Variants in CLEC17A observed in about 807,000 individuals in gnomAD.
CLEC17A encodes the protein C-type lectin domain containing 17A.
CLEC17A carries 37 observed loss-of-function variants against 61.3 expected under a neutral mutation model. That is an observed-to-expected ratio of 0.60 (90% CI 0.46 to 0.79). The LOEUF (loss-of-function observed/expected upper bound fraction) is 0.79. Ranked by LOEUF, CLEC17A falls within the 30% of genes least tolerant of loss-of-function variation. The pLI, the probability that CLEC17A is intolerant of heterozygous loss-of-function variation, is 0.00. For missense variants in CLEC17A, 418 were observed against 464.7 expected (o/e 0.90, Z 0.92); for synonymous variants, 168 against 164.9 (o/e 1.02, Z -0.14).
Position 14,607,038 on chromosome 19 carries a change from G to A in CLEC17A, c.940G>A (p.Gly314Arg). Reference protein sequence around the residue: ...AHGSPRVYWLGLNDRAQEGDW... With the variant: ...AHGSPRVYWLRLNDRAQEGDW... ...TGGCTCTCCACGGGTGTACTGGCTGGGGCTGAATGACAGGGCCCAGGAAGG... is the reference window on the plus strand; with the variant it reads ...TGGCTCTCCACGGGTGTACTGGCTGAGGCTGAATGACAGGGCCCAGGAAGG... Residue 314 changes from glycine to arginine, a missense_variant, in exon 13 of 14, where the codon GGG (glycine) becomes AGG (arginine). Physicochemically the swap from Gly to Arg is moderately radical, Grantham distance 125. Coordinates refer to ENST00000417570, the MANE Select transcript of CLEC17A (RefSeq NM_001204118.2). 1.5e-6 allele frequency: 2 copies of A among 1,349,556 alleles called. No homozygotes were observed. Among genetic ancestry groups the A allele is most frequent in the Non-Finnish European group, 1.9e-6 (2 of 1,044,216 alleles). The allele number at this position is 1,349,556 out of a possible 1,614,324, so 83.6% of individuals were successfully genotyped here.
At chr19:14,606,945 GA>G in intron 12 of CLEC17A, 47 bp from the exon 13 acceptor site, 2 of 1,043,832 alleles carry the variant, frequency 1.9e-6, no homozygotes, top group African/African-American at 1.6e-5. Context: ...TCCTCACCCT[GA>G]GGGTCATGTA....
At chr19:14,590,890 G>A (rs1198314843) in intron 3 of CLEC17A, among the ~76,000 whole-genome samples, 2 of 150,890 alleles carry the variant, frequency 1.3e-5, no homozygotes, top group African/African-American at 4.9e-5. Context: ...CAGAGATAGG[G>A]TCTTGCTATG....
In CLEC17A at chr19:14,610,556, G is replaced by A. The variant is rs1049185883; in HGVS notation, c.*360G>A. ...TGAACCTGGGATGAAATATCCTGGC[G>A]CCTGTGAACCACAAAGAGCTGGGAC... On this transcript the variant is annotated 3_prime_UTR_variant, in exon 14 of 14. Coordinates refer to ENST00000417570, the MANE Select transcript of CLEC17A (RefSeq NM_001204118.2). 2.9e-5 allele frequency: 6 copies of A among 204,298 alleles called. No homozygotes were observed. The highest frequency in any genetic ancestry group is 1.9e-3 in the Middle Eastern group (1 of 534). 12.7% of individuals were successfully genotyped at this position (204,298 alleles called of 1,614,324 possible). A position where few individuals can be genotyped will look rare whatever the true frequency, so the allele number is the denominator to read the frequency against.
At position 14,587,677 on chromosome 19, in the gene CLEC17A, T is replaced by C. The variant is rs774223439; in HGVS notation, c.185T>C (p.Leu62Pro). The part of the protein sequence containing the change: ...YENSTPPYKD[L>P]PPKPGTMEEE... ...AACTCAACACCTCCCTACAAGGACC[T>C]TCCTCCCAAGCCAGGTAAGAGGACT... The change falls in exon 3 of 14, where the codon CTT becomes CCT. Residue 62 changes from leucine to proline, a missense_variant. Physicochemically the swap from Leu to Pro is moderately conservative, Grantham distance 98. Coordinates refer to ENST00000417570, the MANE Select transcript of CLEC17A (RefSeq NM_001204118.2). 2.5e-6 allele frequency: 4 copies of C among 1,606,400 alleles called. No individual in the cohort carries two copies. Among genetic ancestry groups the C allele is most frequent in the Non-Finnish European group, 3.4e-6 (4 of 1,176,434 alleles).
chr19:14,593,477 G>C (rs1479446456), intron 4 of CLEC17A, among the ~76,000 whole-genome samples: 1 of 151,904 alleles, frequency 6.6e-6, no homozygotes, highest in Non-Finnish European at 1.5e-5. Context: ...GAAACCCCCA[G>C]CTATATGAAA....
chr19:14,591,399 C>T (rs777345755), intron 3 of CLEC17A, among the ~76,000 whole-genome samples: 7 of 151,734 alleles, frequency 4.6e-5, no homozygotes, highest in Non-Finnish European at 8.8e-5. Context: ...TGTGATCTGA[C>T]TGCCTCAGTC....
rs761073515 is a variant in CLEC17A, at chr19:14,594,702, G to A, written c.361+20G>A. ...TGACAGGTGAGAGCTGACAGTTGGA[G>A]TCTTCCTGCTCACCTGGCTGAAGCC... On this transcript the variant is annotated intron_variant, in intron 6 of 13. Coordinates refer to ENST00000417570, the MANE Select transcript of CLEC17A (RefSeq NM_001204118.2). The A allele has an allele frequency of 1.8e-5, 29 of 1,613,846 alleles. No individual in the cohort carries two copies. The Admixed American group carries it at 4.5e-4, about 25-fold the overall frequency.
In CLEC17A at chr19:14,608,628, A is replaced by ATT. The variant is rs71166765; in HGVS notation, c.1005-1414_1005-1413dup. 4.7e-3 allele frequency among the ~76,000 whole-genome samples: 566 copies of ATT among 119,644 alleles called. 5 individuals are homozygous for ATT. Among genetic ancestry groups the ATT allele is most frequent in the African/African-American group, 6.7e-3 (207 of 30,896 alleles). 78.5% of individuals were successfully genotyped at this position (119,644 alleles called of 152,430 possible). On this transcript the variant is annotated intron_variant, in intron 13 of 13. Coordinates refer to ENST00000417570, the MANE Select transcript of CLEC17A (RefSeq NM_001204118.2). ...AGGGAGGGTGGAAGGATGAGGAAGA[A>ATT]TTTTTTTTTTTTTTTTTTTTTTTGA... is the stretch of plus-strand genomic sequence containing the variant.
intron 12 of CLEC17A, among the ~76,000 whole-genome samples, chr19:14,606,540 C>T (rs74358056): frequency 0.044 from 6,640 of 151,882 alleles, 238 homozygotes; most frequent in Non-Finnish European, 0.061. Flanking sequence ...ATTAGCCGGG[C>T]GTGGTGGCGG....
At chr19:14,588,833 A>G (rs1192935753) in intron 3 of CLEC17A, among the ~76,000 whole-genome samples, 1 of 151,928 alleles carries the variant, frequency 6.6e-6, no homozygotes, top group Non-Finnish European at 1.5e-5. Context: ...CTGAGGCTGT[A>G]TATCCCCCAT....
intron 4 of CLEC17A, 177 bp from the exon 5 acceptor site, chr19:14,594,340 G>T: frequency 1.5e-6 from 1 of 654,412 alleles, no homozygotes; most frequent in South Asian, 2.0e-5. Flanking sequence ...ATCTAGGTTC[G>T]TTGGTCACCC....
chr19:14,582,638 C>T (rs963638539), upstream of CLEC17A, among the ~76,000 whole-genome samples: 1 of 151,890 alleles, frequency 6.6e-6, no homozygotes, highest in Non-Finnish European at 1.5e-5. Context: ...GACAGAGTCT[C>T]ACTCTGTCAC....
At chr19:14,591,832 A>T (rs1307898333) in intron 3 of CLEC17A, among the ~76,000 whole-genome samples, 3 of 151,882 alleles carry the variant, frequency 2.0e-5, no homozygotes, top group Non-Finnish European at 4.4e-5. Flanking sequence ...TGCTGGGATT[A>T]CAGATGTGAG....
chr19:14,587,681 T>C lies in CLEC17A; in HGVS notation c.189T>C (p.Pro63=). Reference sequence around the variant, plus strand: ...CAACACCTCCCTACAAGGACCTTCCTCCCAAGCCAGGTAAGAGGACTTTTT... The same window carrying C: ...CAACACCTCCCTACAAGGACCTTCCCCCCAAGCCAGGTAAGAGGACTTTTT... ...ENSTPPYKDL[P]PKPGTMEEEE... is the part of the protein sequence containing the mutation. Residue 63 remains proline, a synonymous_variant, in exon 3 of 14, where the codon CCT becomes CCC. Coordinates refer to ENST00000417570, the MANE Select transcript of CLEC17A (RefSeq NM_001204118.2). 1 of 1,607,232 alleles carries C rather than the reference T, an allele frequency of 6.2e-7. No individual in the cohort carries two copies. The highest frequency in any genetic ancestry group is 1.7e-5 in the Admixed American group (1 of 58,696).
rs2075031441 is a variant in CLEC17A, at chr19:14,611,164, CGGA to C, written c.*970_*972del. ...CAAACCTAAAAATACAGAACATCAG[CGGA>C]GAAGACAGGAGAGCTTCTATATTCA... is the stretch of plus-strand genomic sequence containing the variant. On this transcript the variant is annotated 3_prime_UTR_variant, in exon 14 of 14. Coordinates refer to ENST00000417570, the MANE Select transcript of CLEC17A (RefSeq NM_001204118.2). 6.6e-6 allele frequency: 1 copy of C among 151,940 alleles called. No homozygotes were observed. The highest frequency in any genetic ancestry group is 2.4e-5 in the African/African-American group (1 of 41,362). 9.4% of individuals were successfully genotyped at this position (151,940 alleles called of 1,614,324 possible). A position where few individuals can be genotyped will look rare whatever the true frequency, so the allele number is the denominator to read the frequency against.
chr19:14,584,136 G>T (rs1355011771), intron 2 of CLEC17A: 1 of 152,082 alleles, frequency 6.6e-6, no homozygotes, highest in Non-Finnish European at 1.5e-5. Context: ...AGCTACTTGG[G>T]AGGCTGAGTC....
At chr19:14,592,252 T>TG in intron 3 of CLEC17A, 29 bp from the exon 4 acceptor site, 1 of 1,559,092 alleles carries the variant, frequency 6.4e-7, no homozygotes, top group Non-Finnish European at 8.7e-7. Context: ...AGGGAATGGC[T>TG]GGGCTCTGAC....
intron 13 of CLEC17A, among the ~76,000 whole-genome samples, 163 bp downstream of exon 13, chr19:14,607,265 C>T (rs914601937): frequency 3.3e-5 from 5 of 149,444 alleles, no homozygotes; most frequent in South Asian, 2.1e-4. Flanking sequence ...AGTGCAGTGG[C>T]GCAATCTCAG....
At chr19:14,607,298 A>G (rs1206703063) in intron 13 of CLEC17A, among the ~76,000 whole-genome samples, 196 bp downstream of exon 13, 1 of 150,622 alleles carries the variant, frequency 6.6e-6, no homozygotes, top group African/African-American at 2.5e-5. Context: ...TCCGCCTCCC[A>G]GGTTCAAGGT....
Sources: gnomAD v4.1 joint callset for allele counts (sites outside exome capture counted in the v4.1 genomes callset) on GRCh38, gnomAD v4.1.1 for gene constraint, MANE v1.5 for transcripts, NCBI Gene and HGNC (gene_info 2026-07-23, HGNC 2026-07-21) for gene names.